The following PROS1 variants were observed in gnomAD, a reference collection of about 807,000 sequenced individuals.
The protein encoded by PROS1 is protein S.
In PROS1, 29 loss-of-function variants were observed where a neutral mutation model predicts 75.9. That is an observed-to-expected ratio of 0.38 (90% CI 0.28 to 0.52). The LOEUF is 0.52. Ranked by LOEUF, PROS1 falls within the 20% of genes least tolerant of loss-of-function variation. The pLI is 0.83. For missense variants in PROS1, 680 were observed against 810.3 expected (o/e 0.84, Z 1.95); for synonymous variants, 245 against 280.6 (o/e 0.87, Z 1.27).
rs547157874 is a variant in PROS1 at position 93,892,284 on chromosome 3, C to T, written c.1155+649G>A. On this transcript the variant is annotated intron_variant, in intron 10 of 14. Coordinates refer to ENST00000394236, the MANE Select transcript of PROS1 (RefSeq NM_000313.4). The stretch of plus-strand genomic sequence containing the variant: ...GGTGGAGGTTGCAGTGAGGCAAGAC[C>T]ATGCCACGGCACTCCAGCCTGGGCA... Among the ~76,000 whole-genome samples, 60 of 151,898 alleles carry T rather than the reference C, an allele frequency of 4.0e-4. No homozygotes were observed. The Middle Eastern group carries it at 0.017, about 43-fold the overall frequency.
intron 1 of PROS1, among the ~76,000 whole-genome samples, chr3:93,949,644 A>AT (rs1382173979): frequency 6.6e-6 from 1 of 152,210 alleles, no homozygotes; most frequent in African/African-American, 2.4e-5. Flanking sequence ...TAACAACATA[A>AT]TTAGGCATTT....
rs889132559 is a variant in PROS1, at chr3:93,874,075, T to G, written c.*170A>C. On this transcript the variant is annotated 3_prime_UTR_variant, in exon 15 of 15. Coordinates refer to ENST00000394236, the MANE Select transcript of PROS1 (RefSeq NM_000313.4). ...GAAGTAAGAATTTCTTTACTGTGAT[T>G]TATATCACAACAGAATTTTTTTCCT... 8 of 761,468 alleles carry G rather than the reference T, an allele frequency of 1.1e-5. No individual in the cohort carries two copies. The African/African-American group carries it at 1.4e-4, about 13-fold the overall frequency. The allele number at this position is 761,468 out of a possible 1,614,324, so 47.2% of individuals were successfully genotyped here.
At chr3:93,954,675 T>C (rs577759214) in intron 1 of PROS1, among the ~76,000 whole-genome samples, 51 of 152,284 alleles carry the variant, frequency 3.3e-4, no homozygotes, top group African/African-American at 1.2e-3. Flanking sequence ...GTCAAGGACT[T>C]CATGACTAAA....
intron 3 of PROS1, among the ~76,000 whole-genome samples, chr3:93,923,007 G>A (rs1249047903): frequency 6.6e-6 from 1 of 152,138 alleles, no homozygotes; most frequent in African/African-American, 2.4e-5. Context: ...TAGTTACAGT[G>A]CACACTTAAA....
chr3:93,888,500 A>G (rs1462329923), intron 10 of PROS1, among the ~76,000 whole-genome samples: 2 of 152,166 alleles, frequency 1.3e-5, no homozygotes, highest in Non-Finnish European at 2.9e-5. Flanking sequence ...TTACTGATAC[A>G]TTTCATTATA....
At chr3:93,963,369 C>T (rs1343333887) in intron 1 of PROS1, among the ~76,000 whole-genome samples, 1 of 152,088 alleles carries the variant, frequency 6.6e-6, no homozygotes, top group Non-Finnish European at 1.5e-5. Flanking sequence ...TAAGATGAGC[C>T]TAAAGGCATA....
intron 1 of PROS1, among the ~76,000 whole-genome samples, chr3:93,973,303 GACAC>G (rs988392723): frequency 6.6e-6 from 1 of 152,154 alleles, no homozygotes; most frequent in African/African-American, 2.4e-5. Context: ...ACAAAGGGAA[GACAC>G]AGTGTGTTAC....
intron 1 of PROS1, among the ~76,000 whole-genome samples, chr3:93,960,956 G>A (rs550783356): frequency 1.1e-3 from 164 of 150,996 alleles, no homozygotes; most frequent in African/African-American, 3.8e-3. Flanking sequence ...AAACAAAGGC[G>A]GTTTTTTAAA....
intron 1 of PROS1, 57 bp from the exon 2 acceptor site, chr3:93,927,464 T>C: frequency 6.5e-7 from 1 of 1,543,868 alleles, no homozygotes; most frequent in Non-Finnish European, 8.8e-7. Context: ...AAATATATTG[T>C]TTTATTAAAC....
intron 1 of PROS1, among the ~76,000 whole-genome samples, chr3:93,963,332 G>A (rs1709736559): frequency 6.6e-6 from 1 of 152,106 alleles, no homozygotes; most frequent in Non-Finnish European, 1.5e-5. Context: ...AGTTGTGATA[G>A]CATAAACCAT....
intron 10 of PROS1, among the ~76,000 whole-genome samples, chr3:93,892,202 C>T (rs1293070957): frequency 6.6e-6 from 1 of 151,956 alleles, no homozygotes; most frequent in Admixed American, 6.6e-5. Flanking sequence ...TGCTGTTGCA[C>T]ACCTGTAATC....
intron 1 of PROS1, 63 bp from the exon 2 acceptor site, chr3:93,927,470 T>A: frequency 2.7e-6 from 4 of 1,496,830 alleles, no homozygotes; most frequent in Non-Finnish European, 3.7e-6. Flanking sequence ...ATTGTTTTAT[T>A]AAACAATAAG....
At chr3:93,889,564 C>T (rs1049162317) in intron 10 of PROS1, among the ~76,000 whole-genome samples, 2 of 152,136 alleles carry the variant, frequency 1.3e-5, no homozygotes, top group Non-Finnish European at 2.9e-5. Flanking sequence ...GCATCAGCTA[C>T]TTATCTGTGA....
chr3:93,909,161 G>A (rs1397696997), intron 4 of PROS1, among the ~76,000 whole-genome samples: 2 of 152,274 alleles, frequency 1.3e-5, no homozygotes, highest in South Asian at 2.1e-4. Flanking sequence ...AGTAGGGCCT[G>A]GAATGGTGTT....
At chr3:93,916,345 G>C (rs990817725) in intron 3 of PROS1, among the ~76,000 whole-genome samples, 20 of 152,152 alleles carry the variant, frequency 1.3e-4, no homozygotes, top group Non-Finnish European at 4.4e-5. Context: ...AGTGAATACA[G>C]CCAAAATTTG....
chr3:93,892,987 A>C lies in PROS1; in HGVS notation c.1101T>G (p.His367Gln). The part of the protein sequence containing the change: ...GKIEVQLKNE[H>Q]TSKITTGGDV... The stretch of plus-strand genomic sequence containing the variant: ...CACCTCCAGTTGTGATTTTGGATGT[A>C]TGTTCATTCTTAAGCTGAACTTCAA... The change falls in exon 10 of 15, where the codon CAT becomes CAG. Residue 367 changes from histidine to glutamine, a missense_variant. Coordinates refer to ENST00000394236, the MANE Select transcript of PROS1 (RefSeq NM_000313.4). 6.2e-7 allele frequency: 1 copy of C among 1,613,256 alleles called. No individual in the cohort carries two copies. Among genetic ancestry groups the C allele is most frequent in the Admixed American group, 1.7e-5 (1 of 60,022 alleles).
Position 93,898,789 on chromosome 3 carries a change from T to C in PROS1, c.728-220A>G, listed in dbSNP as rs186798109. ...TTTATTTACATATTTGAAACAAAAA[T>C]TAATTTATAACTTTCAGTGATTAAG... On this transcript the variant is annotated intron_variant, in intron 7 of 14. Transcript: ENST00000394236. Among the ~76,000 whole-genome samples, 188 of 152,064 alleles carry C rather than the reference T, an allele frequency of 1.2e-3. 1 individual carries two copies. Among genetic ancestry groups the C allele is most frequent in the Admixed American group, 3.8e-3 (58 of 15,254 alleles).
At chr3:93,896,065 A>G (rs1654396211) in intron 9 of PROS1, among the ~76,000 whole-genome samples, 1 of 152,172 alleles carries the variant, frequency 6.6e-6, no homozygotes, top group South Asian at 2.1e-4. Context: ...TTCATTTCTG[A>G]ACTCAATCTA....
At chr3:93,966,201 T>C (rs1341455078) in intron 1 of PROS1, among the ~76,000 whole-genome samples, 2 of 152,096 alleles carry the variant, frequency 1.3e-5, no homozygotes, top group Non-Finnish European at 2.9e-5. Flanking sequence ...GGCAGACATA[T>C]AAGTGGCATT....
Sources: allele counts gnomAD v4.1 joint callset (sites outside exome capture counted in the v4.1 genomes callset), GRCh38; gene constraint gnomAD v4.1.1; transcripts MANE v1.5; gene names NCBI Gene and HGNC (gene_info 2026-07-23, HGNC 2026-07-21).